IL1RAPL1: variants seen among roughly 807,000 people sequenced by gnomAD.
IL1RAPL1 encodes interleukin 1 receptor accessory protein like 1, also known as interleukin-1 receptor accessory protein-like 1.
Under a neutral mutation model 48.4 loss-of-function variants are expected in IL1RAPL1, and 3 were observed. The observed-to-expected ratio is 0.06, with a 90% CI of 0.03 to 0.16. The LOEUF (loss-of-function observed/expected upper bound fraction) is 0.16, where lower values mean the gene tolerates loss of function less well. Among genes scored for constraint, IL1RAPL1 ranks in the 10% least tolerant of loss-of-function variants. The probability of loss-of-function intolerance (pLI) is 1.00; values close to 1 mark genes in which losing one functional copy is unlikely to be tolerated. For synonymous variants in IL1RAPL1, 185 were observed against 187.7 expected (o/e 0.99, Z 0.12); for missense variants, 349 against 530.6 (o/e 0.66, Z 3.36).
At chrX:29,641,292 T>G (rs889605352) in intron 5 of IL1RAPL1, among the ~76,000 whole-genome samples, 12 of 113,277 alleles carry the variant, frequency 1.1e-4, no homozygotes, top group Non-Finnish European at 2.2e-4. Context: ...CATACTTGTT[T>G]GCTTATCCTT....
intron 2 of IL1RAPL1, among the ~76,000 whole-genome samples, chrX:29,176,659 C>A (rs144475644): frequency 1.2e-4 from 13 of 110,883 alleles, no homozygotes; most frequent in African/African-American, 3.9e-4. Flanking sequence ...TCCATACTTA[C>A]GTCTGATGGT....
chrX:29,882,799 A>T (rs769003800), intron 6 of IL1RAPL1, among the ~76,000 whole-genome samples: 1 of 111,865 alleles, frequency 8.9e-6, no homozygotes, highest in African/African-American at 3.2e-5. Context: ...ATACATTTCA[A>T]CGTATGCCAT....
chrX:29,645,244 G>A (rs756679481), intron 5 of IL1RAPL1, among the ~76,000 whole-genome samples: 1 of 111,735 alleles, frequency 8.9e-6, no homozygotes, highest in African/African-American at 3.2e-5. Context: ...TTGTCTCCCT[G>A]AAGAAACTTT....
chrX:29,584,182 C>T (rs1170931390), intron 5 of IL1RAPL1, among the ~76,000 whole-genome samples: 1 of 111,077 alleles, frequency 9.0e-6, no homozygotes, highest in Non-Finnish European at 1.9e-5. Flanking sequence ...ATACTCTGTC[C>T]ATATCACTGC....
chrX:29,565,972 G>A (rs367738375), intron 5 of IL1RAPL1, among the ~76,000 whole-genome samples: 55 of 108,502 alleles, frequency 5.1e-4, no homozygotes, highest in African/African-American at 1.3e-3. Flanking sequence ...TTTTTGAGAC[G>A]GAGTCTCGCT....
At chrX:29,140,670 A>G (rs1452873110) in intron 2 of IL1RAPL1, among the ~76,000 whole-genome samples, 1 of 111,812 alleles carries the variant, frequency 8.9e-6, no homozygotes, top group Non-Finnish European at 1.9e-5. Context: ...GAAGAAAGGC[A>G]ATTTATTGCT....
chrX:28,969,325 A>G (rs768968329), intron 2 of IL1RAPL1, among the ~76,000 whole-genome samples: 2 of 111,826 alleles, frequency 1.8e-5, no homozygotes, highest in South Asian at 3.7e-4. Flanking sequence ...CTCTTTCCCA[A>G]TCTGGCTTCC....
intron 2 of IL1RAPL1, among the ~76,000 whole-genome samples, chrX:29,087,682 A>G (rs948829122): frequency 8.9e-6 from 1 of 112,292 alleles, no homozygotes; most frequent in Admixed American, 9.5e-5. Flanking sequence ...CCATCTATAC[A>G]TATTTCACAC....
chrX:28,842,198 A>T (rs1397953235), intron 2 of IL1RAPL1, among the ~76,000 whole-genome samples: 4 of 110,685 alleles, frequency 3.6e-5, no homozygotes, highest in Non-Finnish European at 7.6e-5. Context: ...ATATGTTATG[A>T]TTATGTTATT....
intron 6 of IL1RAPL1, among the ~76,000 whole-genome samples, chrX:29,684,661 T>C (rs1334011452): frequency 8.9e-6 from 1 of 111,812 alleles, no homozygotes; most frequent in Non-Finnish European, 1.9e-5. Flanking sequence ...CTTTTCTTCT[T>C]TCACTGATCT....
At chrX:29,792,767 C>CA (rs201316919) in intron 6 of IL1RAPL1, among the ~76,000 whole-genome samples, 28 of 108,264 alleles carry the variant, frequency 2.6e-4, no homozygotes, top group East Asian at 2.0e-3. Flanking sequence ...AATCATTATG[C>CA]AAAAAAAAAT....
intron 1 of IL1RAPL1, among the ~76,000 whole-genome samples, chrX:28,610,507 A>C (rs1230369359): frequency 8.9e-6 from 1 of 112,686 alleles, no homozygotes; most frequent in Non-Finnish European, 1.9e-5. Flanking sequence ...TGCAGAATTG[A>C]CTTTGTCAGT....
chrX:29,814,756 A>G (rs185721335), intron 6 of IL1RAPL1, among the ~76,000 whole-genome samples: 225 of 112,221 alleles, frequency 2.0e-3, no homozygotes, highest in African/African-American at 7.0e-3. Flanking sequence ...TAATTTTTCT[A>G]TATGGTGAAA....
At chrX:29,786,610 G>A (rs956203248) in intron 6 of IL1RAPL1, among the ~76,000 whole-genome samples, 1 of 111,641 alleles carries the variant, frequency 9.0e-6, no homozygotes, top group Non-Finnish European at 1.9e-5. Context: ...TTTGTTTAAT[G>A]TGTGGATTGA....
intron 5 of IL1RAPL1, among the ~76,000 whole-genome samples, chrX:29,541,208 T>G (rs1029691858): frequency 2.7e-5 from 3 of 111,518 alleles, no homozygotes; most frequent in Non-Finnish European, 5.6e-5. Context: ...GTCAGAGAAA[T>G]GCAAATCAAA....
chrX:28,699,782 A>G (rs921579803), intron 1 of IL1RAPL1, among the ~76,000 whole-genome samples: 2 of 112,231 alleles, frequency 1.8e-5, no homozygotes, highest in Non-Finnish European at 3.8e-5. Context: ...TTGATGAACC[A>G]TATGTAAATG....
intron 6 of IL1RAPL1, among the ~76,000 whole-genome samples, chrX:29,805,220 T>C (rs1238079745): frequency 8.9e-6 from 1 of 111,907 alleles, no homozygotes; most frequent in African/African-American, 3.2e-5. Flanking sequence ...TATTTAGCAT[T>C]AATTGCAGCA....
At chrX:29,594,398 T>C (rs1923477071) in intron 5 of IL1RAPL1, among the ~76,000 whole-genome samples, 1 of 111,561 alleles carries the variant, frequency 9.0e-6, no homozygotes, top group Admixed American at 9.6e-5. Flanking sequence ...TAATATATAT[T>C]ATAAAGTCTC....
chrX:28,899,963 T>C (rs1481133011), intron 2 of IL1RAPL1, among the ~76,000 whole-genome samples: 1 of 112,365 alleles, frequency 8.9e-6, no homozygotes, highest in Non-Finnish European at 1.9e-5. Context: ...TCAGGAATTC[T>C]CCAAATGACT....
Sources: gnomAD v4.1 joint callset for allele counts (sites outside exome capture counted in the v4.1 genomes callset) on GRCh38, gnomAD v4.1.1 for gene constraint, MANE v1.5 for transcripts, NCBI Gene and HGNC (gene_info 2026-07-23, HGNC 2026-07-21) for gene names.